PPP4R2: variants seen among roughly 807,000 people sequenced by gnomAD.
PPP4R2 encodes protein phosphatase 4 regulatory subunit 2, also known as serine/threonine-protein phosphatase 4 regulatory subunit 2.
PPP4R2 carries 13 observed loss-of-function variants against 47.2 expected under a neutral mutation model. That is an observed-to-expected ratio of 0.28 (90% CI 0.18 to 0.44). The LOEUF (loss-of-function observed/expected upper bound fraction) is 0.44. PPP4R2 is among the 20% of genes least tolerant of loss of function. PPP4R2 has a pLI of 1.00. For missense variants in PPP4R2, 421 were observed against 491.2 expected (o/e 0.86, Z 1.35); for synonymous variants, 151 against 163.3 (o/e 0.92, Z 0.57).
intron 3 of PPP4R2, among the ~76,000 whole-genome samples, chr3:73,055,463 T>A (rs1425307821): frequency 2.0e-5 from 3 of 149,634 alleles, no homozygotes; most frequent in African/African-American, 7.4e-5. Context: ...TGTATTAAAA[T>A]ATATATATAT....
intron 2 of PPP4R2, among the ~76,000 whole-genome samples, chr3:73,034,189 A>T (rs1702221072): frequency 6.6e-6 from 1 of 152,124 alleles, no homozygotes; most frequent in South Asian, 2.1e-4. Flanking sequence ...AACCTCTTGT[A>T]CTACTATTAC....
chr3:72,997,688 A>C (rs1701379107), intron 1 of PPP4R2, among the ~76,000 whole-genome samples: 1 of 152,160 alleles, frequency 6.6e-6, no homozygotes, highest in Non-Finnish European at 1.5e-5. Context: ...GGGGACGGCA[A>C]CTTGGGGTAG....
intron 2 of PPP4R2, among the ~76,000 whole-genome samples, chr3:73,017,717 A>G (rs564366505): frequency 2.6e-5 from 4 of 151,994 alleles, no homozygotes; most frequent in African/African-American, 9.6e-5. Flanking sequence ...GGAGAAGTCT[A>G]CTAAATCCAT....
At chr3:73,025,709 G>C (rs902961920) in intron 2 of PPP4R2, among the ~76,000 whole-genome samples, 1 of 152,202 alleles carries the variant, frequency 6.6e-6, no homozygotes, top group Admixed American at 6.5e-5. Flanking sequence ...AATTAGGATA[G>C]ATTAGAAAGG....
rs1439178063 is a variant in PPP4R2 at position 73,068,969 on chromosome 3, AAATG to A, written c.*3256_*3259del. On this transcript the variant is annotated 3_prime_UTR_variant, in exon 9 of 9. Coordinates refer to ENST00000356692, the MANE Select transcript of PPP4R2 (RefSeq NM_174907.4). ...GTTCTCAAGATTTGTGCTAATCATAAAATGAATGAATGCAAAACACCTTGTAATT... is the reference window on the plus strand; with the variant it reads ...GTTCTCAAGATTTGTGCTAATCATAAAATGAATGCAAAACACCTTGTAATT... 1.3e-5 allele frequency: 2 copies of A among 152,230 alleles called. No homozygotes were observed. The highest frequency in any genetic ancestry group is 1.9e-4 in the East Asian group (1 of 5,196). 9.4% of individuals were successfully genotyped at this position (152,230 alleles called of 1,614,324 possible).
At chr3:73,022,358 G>A (rs568467684) in intron 2 of PPP4R2, among the ~76,000 whole-genome samples, 1 of 152,112 alleles carries the variant, frequency 6.6e-6, no homozygotes, top group South Asian at 2.1e-4. Flanking sequence ...TAGGTTAGGG[G>A]CCTAAGACTG....
chr3:73,000,376 C>G (rs1701434355), intron 2 of PPP4R2, among the ~76,000 whole-genome samples: 1 of 152,086 alleles, frequency 6.6e-6, no homozygotes, highest in South Asian at 2.1e-4. Flanking sequence ...TTCACTGATG[C>G]ATTATAGCAA....
chr3:73,012,420 C>T (rs968764230), intron 2 of PPP4R2, among the ~76,000 whole-genome samples: 9 of 152,168 alleles, frequency 5.9e-5, no homozygotes, highest in African/African-American at 2.2e-4. Flanking sequence ...CTGCCTCAGC[C>T]TCCCGCTTAG....
Position 72,998,062 on chromosome 3 carries a change from TCTTC to T in PPP4R2, c.35-10_35-7del, listed in dbSNP as rs754271642. ...TGAGAAAACTGATAACGTTTTTTTT[TCTTC>T]CTTCATCTAGATTTTGAGAAGAGGG... On this transcript the variant is annotated splice_polypyrimidine_tract_variant and intron_variant, in intron 1 of 8. Coordinates refer to ENST00000356692, the MANE Select transcript of PPP4R2 (RefSeq NM_174907.4). 8.8e-6 allele frequency: 14 copies of T among 1,585,408 alleles called. No individual in the cohort carries two copies. In the African/African-American group the frequency reaches 9.5e-5, roughly 11 times the overall value.
chr3:73,039,009 G>A (rs950352033), intron 2 of PPP4R2, among the ~76,000 whole-genome samples: 1 of 152,140 alleles, frequency 6.6e-6, no homozygotes, highest in African/African-American at 2.4e-5. Context: ...TTCAAAGCAG[G>A]TACTATGCCA....
intron 2 of PPP4R2, among the ~76,000 whole-genome samples, chr3:73,044,134 G>A (rs1702435434): frequency 6.6e-6 from 1 of 152,140 alleles, no homozygotes; most frequent in Non-Finnish European, 1.5e-5. Context: ...ATCCATTCAT[G>A]TGCTGTTGGC....
intron 5 of PPP4R2, chr3:73,062,918 A>G: frequency 6.3e-7 from 1 of 1,594,226 alleles, no homozygotes. Flanking sequence ...GAAAGCACAG[A>G]TGACAACCTA....
At chr3:73,057,853 T>A (rs1325878067) in intron 3 of PPP4R2, among the ~76,000 whole-genome samples, 1 of 152,144 alleles carries the variant, frequency 6.6e-6, no homozygotes, top group Non-Finnish European at 1.5e-5. Flanking sequence ...CTACTATACC[T>A]TGTGGTGGAA....
intron 5 of PPP4R2, chr3:73,062,629 T>A: frequency 5.6e-6 from 9 of 1,614,032 alleles, no homozygotes; most frequent in Non-Finnish European, 7.6e-6. Context: ...TCATCAGTTC[T>A]CCGCCACTGC....
At position 73,063,676 on chromosome 3, in the gene PPP4R2, A is replaced by C; in HGVS notation, c.423A>C (p.Lys141Asn). The C allele has an allele frequency of 1.3e-6, 2 of 1,576,274 alleles. No individual in the cohort carries two copies. Among genetic ancestry groups the C allele is most frequent in the Non-Finnish European group, 1.7e-6 (2 of 1,146,124 alleles). ...AGTGTATTTTCTTTTCTTATAGGAAAAACAATTCCAATAGTTTAAATCGAA... is the reference window on the plus strand; with the variant it reads ...AGTGTATTTTCTTTTCTTATAGGAACAACAATTCCAATAGTTTAAATCGAA... ...VVSCVYPSSE[K>N]NNSNSLNRMN... The change falls in exon 6 of 9, where the codon AAA (lysine) becomes AAC (asparagine). Residue 141 changes from lysine (K) to asparagine (N), a missense_variant. By Grantham distance (94) the Lys-to-Asn change is moderately conservative. Around this residue, in one of 2 missense-constraint regions of PPP4R2, gnomAD observed 104 missense variants for 203.7 expected, o/e 0.51. Coordinates refer to ENST00000356692, the MANE Select transcript of PPP4R2 (RefSeq NM_174907.4).
At position 73,064,072 on chromosome 3, in the gene PPP4R2, GACA is replaced by G. The variant is rs1191820826; in HGVS notation, c.569_571del (p.Thr190del). ...CAAAGGTTTCTTTGTCAGCCCCCAT[GACA>G]ACAAATGGGTTGCCTGAGAGCACAG... On this transcript the variant is annotated inframe_deletion, in exon 7 of 9. Coordinates refer to ENST00000356692, the MANE Select transcript of PPP4R2 (RefSeq NM_174907.4). 1 of 1,613,470 alleles carries G rather than the reference GACA, an allele frequency of 6.2e-7. No individual in the cohort carries two copies. Among genetic ancestry groups the G allele is most frequent in the African/African-American group, 1.3e-5 (1 of 74,890 alleles).
chr3:73,046,017 G>T (rs1389555052), intron 2 of PPP4R2, among the ~76,000 whole-genome samples: 11 of 152,128 alleles, frequency 7.2e-5, no homozygotes, highest in Non-Finnish European at 1.3e-4. Context: ...CAAGGGTTGG[G>T]ATTTAATGAA....
chr3:73,014,967 C>G (rs953011878), intron 2 of PPP4R2: 1 of 693,766 alleles, frequency 1.4e-6, no homozygotes, highest in Admixed American at 2.0e-5. Flanking sequence ...ACTTCCCAAA[C>G]TGCGGGGATT....
chr3:73,057,635 C>G (rs1702753678), intron 3 of PPP4R2, among the ~76,000 whole-genome samples: 1 of 152,126 alleles, frequency 6.6e-6, no homozygotes, highest in Non-Finnish European at 1.5e-5. Flanking sequence ...GAATAACATG[C>G]ACTTTAAGCA....
Sources: gnomAD v4.1 joint callset for allele counts (sites outside exome capture counted in the v4.1 genomes callset) on GRCh38, gnomAD v4.1.1 for gene constraint, gnomAD v4.1.1 regional missense constraint, MANE v1.5 for transcripts, NCBI Gene and HGNC (gene_info 2026-07-23, HGNC 2026-07-21) for gene names.